GABRB3: variants seen among roughly 807,000 people sequenced by gnomAD.
The protein encoded by GABRB3 is gamma-aminobutyric acid receptor subunit beta-3.
Under a neutral mutation model 52.1 loss-of-function variants are expected in GABRB3, and 14 were observed. The ratio of observed to expected loss-of-function variants is 0.27; its 90% CI spans 0.18 to 0.42. The LOEUF (loss-of-function observed/expected upper bound fraction) is 0.42, where lower values mean the gene tolerates loss of function less well. GABRB3 is among the 10% of genes least tolerant of loss of function. The pLI, the probability that GABRB3 is intolerant of heterozygous loss-of-function variation, is 1.00. For synonymous variants in GABRB3, 260 were observed against 232.3 expected (o/e 1.12, Z -1.08); for missense variants, 307 against 609.1 (o/e 0.50, Z 5.22).
intron 5 of GABRB3, among the ~76,000 whole-genome samples, chr15:26,582,046 A>G (rs1335089536): frequency 3.3e-5 from 5 of 152,188 alleles, no homozygotes; most frequent in African/African-American, 1.2e-4. Context: ...TCTATTCCCA[A>G]TATGGAGACA....
At chr15:26,585,447 A>G (rs1296661005) in intron 4 of GABRB3, among the ~76,000 whole-genome samples, 4 of 152,190 alleles carry the variant, frequency 2.6e-5, no homozygotes, top group African/African-American at 7.2e-5. Context: ...AACACTAGAC[A>G]TGTGCCAATA....
At chr15:26,713,121 G>A (rs1272606766) in intron 3 of GABRB3, among the ~76,000 whole-genome samples, 3 of 152,190 alleles carry the variant, frequency 2.0e-5, no homozygotes, top group Admixed American at 6.5e-5. Context: ...GGGCAAGGAC[G>A]AGGAAACGGT....
intron 3 of GABRB3, among the ~76,000 whole-genome samples, chr15:26,690,172 T>C (rs1888543724): frequency 6.7e-6 from 1 of 148,346 alleles, no homozygotes; most frequent in Non-Finnish European, 1.5e-5. Flanking sequence ...GGTGCAATCA[T>C]AGCTCAGTGA....
At chr15:26,580,661 G>A (rs575662163) in intron 5 of GABRB3, 2 of 705,742 alleles carry the variant, frequency 2.8e-6, no homozygotes, top group African/African-American at 3.5e-5. Flanking sequence ...TACCAGGTTG[G>A]TACTGAAAAG....
intron 3 of GABRB3, among the ~76,000 whole-genome samples, chr15:26,694,208 A>G (rs1272960911): frequency 6.6e-6 from 1 of 152,224 alleles, no homozygotes; most frequent in Non-Finnish European, 1.5e-5. Flanking sequence ...GAGCCTAACC[A>G]ATATGGGGGA....
intron 4 of GABRB3, among the ~76,000 whole-genome samples, chr15:26,618,060 G>C (rs1036613640): frequency 9.9e-5 from 15 of 152,134 alleles, no homozygotes; most frequent in Non-Finnish European, 2.2e-4. Flanking sequence ...TGGGCAGGAA[G>C]AATCAGTATC....
At chr15:26,586,704 A>AAAAAAAG (rs558336153) in intron 4 of GABRB3, among the ~76,000 whole-genome samples, 2,451 of 102,314 alleles carry the variant, frequency 0.024, 148 homozygotes, top group Non-Finnish European at 0.032. Flanking sequence ...AAAAAAAAAA[A>AAAAAAAG]AGAGAGAGAG....
chr15:26,595,284 A>C (rs889864357), intron 4 of GABRB3, among the ~76,000 whole-genome samples: 4 of 152,136 alleles, frequency 2.6e-5, no homozygotes, highest in Admixed American at 2.6e-4. Context: ...CATCCTCCAG[A>C]CAGTTTAGAA....
rs368656076 is a variant in GABRB3, at chr15:26,606,110, C to T, written c.461+15204G>A. The stretch of plus-strand genomic sequence containing the variant: ...AGCAATCCAATCACCTCCCACCAGG[C>T]CCCTCCTCCAACACTGGAGATTACA... On this transcript the variant is annotated intron_variant, in intron 4 of 8. Transcript: ENST00000311550. Among the ~76,000 whole-genome samples the T allele has an allele frequency of 2.0e-5, 3 of 152,190 alleles. No individual in the cohort carries two copies. The East Asian group carries it at 5.8e-4, about 29-fold the overall frequency.
chr15:26,583,506 G>A, intron 4 of GABRB3, 92 bp from the exon 5 acceptor site: 1 of 982,736 alleles, frequency 1.0e-6, no homozygotes, highest in Non-Finnish European at 1.6e-6. Flanking sequence ...GCCCCTGTGG[G>A]AACCCTGCCC....
chr15:26,676,827 T>A lies in GABRB3; in HGVS notation c.241-55293A>T, dbSNP rs1325015235. Among the ~76,000 whole-genome samples the A allele has an allele frequency of 9.2e-5, 14 of 152,250 alleles. No individual in the cohort carries two copies. The East Asian group carries it at 2.7e-3, about 29-fold the overall frequency. On this transcript the variant is annotated intron_variant, in intron 3 of 8. Transcript: ENST00000311550. ...ACTTTCAAGATAAAATAAATGATTA[T>A]GATTTCCACATGATACCAGATATTA...
At chr15:26,711,529 G>A (rs1382543896) in intron 3 of GABRB3, among the ~76,000 whole-genome samples, 2 of 152,158 alleles carry the variant, frequency 1.3e-5, no homozygotes. Context: ...GTGTGTGCAT[G>A]AGAGTGATTT....
chr15:26,549,688 A>C (rs1172407243), intron 8 of GABRB3, among the ~76,000 whole-genome samples: 3 of 152,120 alleles, frequency 2.0e-5, no homozygotes, highest in Admixed American at 2.0e-4. Flanking sequence ...GCTCAGACTG[A>C]AGAGTTAAGA....
intron 4 of GABRB3, among the ~76,000 whole-genome samples, chr15:26,611,691 C>T (rs952449841): frequency 7.2e-5 from 11 of 152,118 alleles, no homozygotes; most frequent in Admixed American, 5.9e-4. Flanking sequence ...TTTCTCTGTA[C>T]GTCTATCTTC....
chr15:26,750,025 A>G (rs1038428008), intron 3 of GABRB3: 1 of 152,196 alleles, frequency 6.6e-6, no homozygotes, highest in Non-Finnish European at 1.5e-5. Flanking sequence ...CATCTTGGCC[A>G]GAATTGGAAA....
intron 3 of GABRB3, chr15:26,628,828 C>A (rs140295085): frequency 1.8e-5 from 15 of 817,722 alleles, no homozygotes; most frequent in Middle Eastern, 3.5e-4. Flanking sequence ...CCTAGAGAGA[C>A]GAAAGGGGGC....
intron 3 of GABRB3, among the ~76,000 whole-genome samples, chr15:26,754,243 G>C (rs567279679): frequency 6.6e-6 from 1 of 152,252 alleles, no homozygotes; most frequent in East Asian, 1.9e-4. Flanking sequence ...GAGAGAGGGA[G>C]AGAAGACGAC....
At chr15:26,699,086 C>G (rs1327066738) in intron 3 of GABRB3, among the ~76,000 whole-genome samples, 2 of 151,948 alleles carry the variant, frequency 1.3e-5, no homozygotes, top group African/African-American at 2.4e-5. Flanking sequence ...AAAACGGACA[C>G]AAAGTGCATT....
At chr15:26,575,666 T>TA (rs59422832) in intron 6 of GABRB3, among the ~76,000 whole-genome samples, 1 of 152,202 alleles carries the variant, frequency 6.6e-6, no homozygotes, top group African/African-American at 2.4e-5. Context: ...GGTGGACTTT[T>TA]AAAAAAATTT....
Sources: gnomAD v4.1 joint callset for allele counts (sites outside exome capture counted in the v4.1 genomes callset) on GRCh38, gnomAD v4.1.1 for gene constraint, MANE v1.5 for transcripts, NCBI Gene and HGNC (gene_info 2026-07-23, HGNC 2026-07-21) for gene names.